The following IGSF8 variants were observed in gnomAD, a reference collection of about 807,000 sequenced individuals.
The protein encoded by IGSF8 is immunoglobulin superfamily member 8, also known as CD81 partner 3.
In IGSF8, 46 loss-of-function variants were observed where a neutral mutation model predicts 55.5. The ratio of observed to expected loss-of-function variants is 0.83; its 90% CI spans 0.65 to 1.06. The LOEUF is 1.06. Ranked by LOEUF, IGSF8 falls within the 50% of genes least tolerant of loss-of-function variation. The probability of loss-of-function intolerance (pLI) is 0.00; values close to 1 mark genes in which losing one functional copy is unlikely to be tolerated. For missense variants in IGSF8, 731 were observed against 832.3 expected, an observed-to-expected ratio of 0.88 and a Z score of 1.50; for synonymous variants, 314 against 356.1, an observed-to-expected ratio of 0.88 and a Z score of 1.33.
At chr1:160,099,376 G>C (rs1384697115), upstream of IGSF8, among the ~76,000 whole-genome samples, 1 of 152,232 alleles carries the variant, frequency 6.6e-6, no homozygotes, top group Non-Finnish European at 1.5e-5. Context: ...TGAATGCGAA[G>C]GGTTTGAGCT....
chr1:160,095,194 G>T lies in IGSF8; in HGVS notation c.117C>A (p.Arg39=). 6.2e-7 allele frequency: 1 copy of T among 1,609,918 alleles called. No homozygotes were observed. The highest frequency in any genetic ancestry group is 8.5e-7 in the Non-Finnish European group (1 of 1,179,956). The change falls in exon 2 of 7, where the codon CGC becomes CGA. Residue 39 remains arginine (R), a synonymous_variant. Transcript: ENST00000314485. The part of the protein sequence containing the change: ...EVLVPEGPLY[R]VAGTAVSISC... The stretch of plus-strand genomic sequence containing the variant: ...AGATGGAGACAGCTGTGCCAGCCAC[G>T]CGGTACAAGGGCCCCTCGGGGACCA...
chr1:160,093,069 G>T lies in IGSF8; in HGVS notation c.1167C>A (p.Tyr389Ter). 6.2e-7 allele frequency: 1 copy of T among 1,614,204 alleles called. No individual in the cohort carries two copies. The highest frequency in any genetic ancestry group is 8.5e-7 in the Non-Finnish European group (1 of 1,180,012). Residue 389 changes from tyrosine (Y) to a stop codon, truncating the protein, a stop_gained, in exon 4 of 7, where the codon TAC (tyrosine) becomes TAA (stop). Transcript: ENST00000314485. LOFTEE classifies it high-confidence loss of function. ...GCCTGGCAGCCTCTAGCCGTAGCCG[G>T]TATGTTCTGGATGCCACCTTCTCCA... ...IAMEKVASRT[Y>*]RLRLEAARPG...
chr1:160,094,886 C>CCGCT lies in IGSF8; in HGVS notation c.421_424dup (p.Gly142GlufsTer38). 6.2e-7 allele frequency: 1 copy of CCGCT among 1,612,748 alleles called. No individual in the cohort carries two copies. The highest frequency in any genetic ancestry group is 8.5e-7 in the Non-Finnish European group (1 of 1,179,178). On this transcript the variant is annotated frameshift_variant, in exon 2 of 7. Transcript: ENST00000314485. LOFTEE classifies it high-confidence loss of function. The surrounding 1 kb of genome is among the most constrained non-coding windows in gnomAD (Gnocchi z 4.0). ...CCCAGTACCTCTCAGCTCCACCTTGCCGCTGTAGCTGCCCAGGTAGCGGGT... is the reference window on the plus strand; with the variant it reads ...CCCAGTACCTCTCAGCTCCACCTTGCCGCTCGCTGTAGCTGCCCAGGTAGCGGGT...
intron 3 of IGSF8, 52 bp downstream of exon 3, chr1:160,093,658 C>T (rs1334661900): frequency 5.5e-6 from 8 of 1,455,974 alleles, no homozygotes; most frequent in Admixed American, 1.9e-5. Context: ...CAGTGCCCAC[C>T]AGGATACTGT....
In IGSF8 at chr1:160,093,938, A is replaced by T. The variant is rs1650221408; in HGVS notation, c.676T>A (p.Leu226Met). 1 of 1,614,134 alleles carries T rather than the reference A, an allele frequency of 6.2e-7. No individual in the cohort carries two copies. The highest frequency in any genetic ancestry group is 1.7e-5 in the Admixed American group (1 of 59,998). Residue 226 changes from leucine to methionine, a missense_variant, in exon 3 of 7, where the codon TTG becomes ATG. Coordinates refer to ENST00000314485, the MANE Select transcript of IGSF8 (RefSeq NM_052868.6). ...TAGGGAGCTCCAGCCTCCACGGCCAAGTCTGACCGGATTCCCACCACTTCC... is the reference window on the plus strand; with the variant it reads ...TAGGGAGCTCCAGCCTCCACGGCCATGTCTGACCGGATTCCCACCACTTCC... ...LQEVVGIRSDLAVEAGAPYAE... is the reference protein window; with the variant it reads ...LQEVVGIRSDMAVEAGAPYAE...
Position 160,093,750 on chromosome 1 carries a change from C to G in IGSF8, c.864G>C (p.Glu288Asp), listed in dbSNP as rs1650192558. ...CCACGTGGGCCAGGACGGCCCTTTT[C>G]TCTGCAATCTGGGCCCAGCTGCCAT... ...DPDGSWAQIA[E>D]KRAVLAHVDV... Residue 288 changes from glutamate (E) to aspartate (D), a missense_variant, in exon 3 of 7, where the codon GAG becomes GAC. Transcript: ENST00000314485. The G allele has an allele frequency of 9.9e-6, 16 of 1,613,228 alleles. No homozygotes were observed. The highest frequency in any genetic ancestry group is 1.4e-5 in the Non-Finnish European group (16 of 1,179,452).
chr1:160,094,644 G>C lies in IGSF8; in HGVS notation c.442+225C>G, dbSNP rs139603000. On this transcript the variant is annotated intron_variant, in intron 2 of 6. Transcript: ENST00000314485. The surrounding 1 kb of genome is among the most constrained non-coding windows in gnomAD (Gnocchi z 4.0). Reference sequence around the variant, plus strand: ...TTAAGGACATTTCTTCTCCCAGGAGGGGTCTTAATATGATAAGATGAGCAC... The same window carrying C: ...TTAAGGACATTTCTTCTCCCAGGAGCGGTCTTAATATGATAAGATGAGCAC... Among the ~76,000 whole-genome samples the C allele has an allele frequency of 3.9e-3, 597 of 152,166 alleles. 7 individuals are homozygous for C. The highest frequency in any genetic ancestry group is 0.014 in the African/African-American group (562 of 41,492).
At chr1:160,098,318 A>T in intron 1 of IGSF8, 91 bp downstream of exon 1, 1 of 1,487,058 alleles carries the variant, frequency 6.7e-7, no homozygotes. Context: ...CTGACGGAGG[A>T]GGATGTGAGG....
Position 160,091,927 on chromosome 1 carries a change from G to C in IGSF8, c.1738C>G (p.Leu580Val), listed in dbSNP as rs559818105. 5 of 1,609,586 alleles carry C rather than the reference G, an allele frequency of 3.1e-6. No homozygotes were observed. In the South Asian group the frequency reaches 5.5e-5, roughly 18 times the overall value. Residue 580 changes from leucine (L) to valine (V), a missense_variant, in exon 6 of 7, where the codon CTA (leucine) becomes GTA (valine). Leu to Val is a conservative substitution (Grantham distance 32). Coordinates refer to ENST00000314485, the MANE Select transcript of IGSF8 (RefSeq NM_052868.6). ...VYPYMHALDT[L>V]FVPLLVGTGV... ...GTACCCACCAGCAGAGGCACAAATAGGGTGTCCAGGGCTGGGGGAGAGAGG... is the reference window on the plus strand; with the variant it reads ...GTACCCACCAGCAGAGGCACAAATACGGTGTCCAGGGCTGGGGGAGAGAGG...
intron 1 of IGSF8, among the ~76,000 whole-genome samples, chr1:160,096,881 C>T (rs1650471376): frequency 6.6e-6 from 1 of 152,200 alleles, no homozygotes; most frequent in Non-Finnish European, 1.5e-5. Flanking sequence ...CTGACACCTT[C>T]CCTGACTGCC....
In IGSF8 at chr1:160,093,327, G is replaced by A. The variant is rs1650148562; in HGVS notation, c.909C>T (p.Ser303=). The stretch of plus-strand genomic sequence containing the variant: ...CAGGCCCCACTGTCACTGCCAGCTG[G>A]CTGGCTGAAACACAGGTAGGGGAAG... ...LAHVDVQTLS[S]QLAVTVGPGE... Residue 303 remains serine (S), a synonymous_variant, in exon 4 of 7, where the codon AGC becomes AGT. Coordinates refer to ENST00000314485, the MANE Select transcript of IGSF8 (RefSeq NM_052868.6). 1 of 1,581,790 alleles carries A rather than the reference G, an allele frequency of 6.3e-7. No individual in the cohort carries two copies. Among genetic ancestry groups the A allele is most frequent in the African/African-American group, 1.3e-5 (1 of 74,400 alleles).
At position 160,093,139 on chromosome 1, in the gene IGSF8, C is replaced by T. The variant is rs373710276; in HGVS notation, c.1097G>A (p.Gly366Asp). Residue 366 changes from glycine (G) to aspartate (D), a missense_variant, in exon 4 of 7, where the codon GGT (glycine) becomes GAT (aspartate). Transcript: ENST00000314485. ...GRLVAQLDTE[G>D]VGSLGPGYEG... ...ATAGCCAGGGCCCAGGCTGCCCACA[C>T]CCTCTGTGTCCAGCTGGGCTACCAG... The T allele has an allele frequency of 6.2e-7, 1 of 1,613,768 alleles. No individual in the cohort carries two copies. The highest frequency in any genetic ancestry group is 8.5e-7 in the Non-Finnish European group (1 of 1,179,800).
Position 160,098,500 on chromosome 1 carries a change from C to CG in IGSF8, c.-29dup. On this transcript the variant is annotated 5_prime_UTR_variant, in exon 1 of 7. Transcript: ENST00000314485. The stretch of plus-strand genomic sequence containing the variant: ...TGCGCGGCCAGCTCTGGGGAGGCTC[C>CG]GGGGGATGGCGCGGGTTCTGGGGGG... 1 of 1,325,016 alleles carries CG rather than the reference C, an allele frequency of 7.5e-7. No homozygotes were observed. The highest frequency in any genetic ancestry group is 9.8e-7 in the Non-Finnish European group (1 of 1,023,000). The allele number at this position is 1,325,016 out of a possible 1,614,324, so 82.1% of individuals were successfully genotyped here.
intron 1 of IGSF8, 121 bp downstream of exon 1, chr1:160,098,288 C>CG: frequency 1.4e-6 from 2 of 1,396,112 alleles, no homozygotes; most frequent in Non-Finnish European, 1.9e-6. Context: ...ACGCCGACCC[C>CG]GGGGAGGCTG....
At position 160,094,869 on chromosome 1, in the gene IGSF8, C is replaced by T. The variant is rs1444515492; in HGVS notation, c.442G>A (p.Val148Ile). 1.2e-6 allele frequency: 2 copies of T among 1,610,840 alleles called. No individual in the cohort carries two copies. Among genetic ancestry groups the T allele is most frequent in the Non-Finnish European group, 1.7e-6 (2 of 1,177,978 alleles). Residue 148 changes from valine (V) to isoleucine (I), a missense_variant and splice_region_variant, in exon 2 of 7, where the codon GTT becomes ATT. By Grantham distance (29) the Val-to-Ile change is conservative. Coordinates refer to ENST00000314485, the MANE Select transcript of IGSF8 (RefSeq NM_052868.6). The surrounding 1 kb of genome is among the most constrained non-coding windows in gnomAD (Gnocchi z 4.0). ...TCCACCCCGTCCCAGGGCCCAGTAC[C>T]TCTCAGCTCCACCTTGCCGCTGTAG... ...GSYSGKVELR[V>I]LPDVLQVSAA... is the part of the protein sequence containing the mutation.
At chr1:160,093,627 A>C (rs771867021) in intron 3 of IGSF8, 83 bp downstream of exon 3, 169 of 1,123,128 alleles carry the variant, frequency 1.5e-4, no homozygotes, top group South Asian at 4.7e-4. Flanking sequence ...GATGATGGCT[A>C]TCTGGTACCC....
In IGSF8 at chr1:160,094,136, G is replaced by A. The variant is rs191687874; in HGVS notation, c.478C>T (p.Pro160Ser). 2.5e-6 allele frequency: 4 copies of A among 1,604,784 alleles called. No homozygotes were observed. Among genetic ancestry groups the A allele is most frequent in the South Asian group, 1.1e-5 (1 of 90,918 alleles). The change falls in exon 3 of 7, where the codon CCA (proline) becomes TCA (serine). Residue 160 changes from proline (P) to serine (S), a missense_variant. By Grantham distance (74) the Pro-to-Ser change is moderately conservative. Coordinates refer to ENST00000314485, the MANE Select transcript of IGSF8 (RefSeq NM_052868.6). The surrounding 1 kb of genome is among the most constrained non-coding windows in gnomAD (Gnocchi z 4.0). Reference protein sequence around the residue: ...PDVLQVSAAPPGPRGRQAPTS... With the variant: ...PDVLQVSAAPSGPRGRQAPTS... ...GGGGCCTGGCGGCCTCGGGGCCCTGGGGGGGCAGCAGACACCTGGAGGACA... is the reference window on the plus strand; with the variant it reads ...GGGGCCTGGCGGCCTCGGGGCCCTGAGGGGGCAGCAGACACCTGGAGGACA...
intron 1 of IGSF8, among the ~76,000 whole-genome samples, chr1:160,095,954 G>A (rs531842403): frequency 5.9e-5 from 9 of 152,314 alleles, no homozygotes; most frequent in African/African-American, 9.6e-5. Flanking sequence ...CCAACCTTCC[G>A]GGCTAGCCCA....
Position 160,093,021 on chromosome 1 carries a change from G to C in IGSF8, c.1215C>G (p.Arg405=). 2 of 1,614,156 alleles carry C rather than the reference G, an allele frequency of 1.2e-6. No homozygotes were observed. Among genetic ancestry groups the C allele is most frequent in the Non-Finnish European group, 1.7e-6 (2 of 1,179,980 alleles). Residue 405 remains arginine, a synonymous_variant, in exon 4 of 7, where the codon CGC becomes CGG. Coordinates refer to ENST00000314485, the MANE Select transcript of IGSF8 (RefSeq NM_052868.6). The part of the protein sequence containing the change: ...AARPGDAGTY[R]CLAKAYVRGS... ...CTCGAACATAGGCTTTGGCGAGGCA[G>C]CGGTAGGTGCCCGCATCACCAGGCC...
Sources: allele counts gnomAD v4.1 joint callset (sites outside exome capture counted in the v4.1 genomes callset), GRCh38; gene constraint gnomAD v4.1.1; non-coding constraint Gnocchi (gnomAD v3.1); transcripts MANE v1.5; gene names NCBI Gene and HGNC (gene_info 2026-07-23, HGNC 2026-07-21).